The following ZSWIM6 variants were observed in gnomAD, a reference collection of about 807,000 sequenced individuals.
The protein encoded by ZSWIM6 is zinc finger SWIM-type containing 6, also known as zinc finger SWIM domain-containing protein 6.
Under a neutral mutation model 113.2 loss-of-function variants are expected in ZSWIM6, and 9 were observed. The ratio of observed to expected loss-of-function variants is 0.08; its 90% CI spans 0.05 to 0.14. ZSWIM6 has a LOEUF of 0.14. Ranked by LOEUF, ZSWIM6 falls within the 10% of genes least tolerant of loss-of-function variation. The probability of loss-of-function intolerance (pLI) is 1.00; values close to 1 mark genes in which losing one functional copy is unlikely to be tolerated. For synonymous variants in ZSWIM6, 611 were observed against 606.5 expected, an observed-to-expected ratio of 1.01 and a Z score of -0.11; for missense variants, 1,162 against 1,552.2, an observed-to-expected ratio of 0.75 and a Z score of 4.22.
chr5:61,383,543 T>G (rs970105595), intron 1 of ZSWIM6, among the ~76,000 whole-genome samples: 26 of 146,596 alleles, frequency 1.8e-4, no homozygotes, highest in African/African-American at 6.5e-4. Flanking sequence ...GAACTTTCTC[T>G]TTTTTTTTTT....
At chr5:61,340,189 A>G (rs1579939745) in intron 1 of ZSWIM6, among the ~76,000 whole-genome samples, 1 of 152,226 alleles carries the variant, frequency 6.6e-6, no homozygotes, top group East Asian at 1.9e-4. Context: ...CTTCAGAGAC[A>G]ATACGGTGCA....
At chr5:61,454,567 GTT>G (rs35249460) in intron 1 of ZSWIM6, among the ~76,000 whole-genome samples, 28 of 128,210 alleles carry the variant, frequency 2.2e-4, no homozygotes, top group South Asian at 1.3e-3. Context: ...CTATCCCTAA[GTT>G]TTTTTTTTTT....
In ZSWIM6 at chr5:61,543,442, G is replaced by A; in HGVS notation, c.2786-13G>A. Reference sequence around the variant, plus strand: ...TCCTCGTCAGTAATAGAGCCTGTTTGTGTTCCTTGCAGGGGTTTATGCCCT... The same window carrying A: ...TCCTCGTCAGTAATAGAGCCTGTTTATGTTCCTTGCAGGGGTTTATGCCCT... On this transcript the variant is annotated splice_polypyrimidine_tract_variant and intron_variant, in intron 13 of 13. Transcript: ENST00000252744. This position sits in a 1 kb window ranked among gnomAD's most constrained non-coding sequence, Gnocchi z 4.3. 6.5e-7 allele frequency: 1 copy of A among 1,542,424 alleles called. No homozygotes were observed. Among genetic ancestry groups the A allele is most frequent in the Non-Finnish European group, 8.8e-7 (1 of 1,141,816 alleles).
chr5:61,410,311 T>G, intron 1 of ZSWIM6, among the ~76,000 whole-genome samples: 1 of 145,608 alleles, frequency 6.9e-6, no homozygotes, highest in East Asian at 2.0e-4. Flanking sequence ...TGTATTTCCT[T>G]TTTTTTTTTT....
chr5:61,439,037 A>G (rs893371116), intron 1 of ZSWIM6, among the ~76,000 whole-genome samples: 2 of 152,232 alleles, frequency 1.3e-5, no homozygotes, highest in African/African-American at 4.8e-5. Context: ...GAGCTCAGGA[A>G]TATCTTGCAC....
chr5:61,544,100 C>T lies in ZSWIM6; in HGVS notation c.3431C>T (p.Ala1144Val). ...GCCCCCTTGAGGCAACTCTTGGATG[C>T]CACGATCGGGGCCTACATCAACACA... ...DKAPLRQLLD[A>V]TIGAYINTTH... The change falls in exon 14 of 14, where the codon GCC becomes GTC. Residue 1144 changes from alanine (A) to valine (V), a missense_variant. By Grantham distance (64) the Ala-to-Val change is moderately conservative. Around this residue, in one of 4 missense-constraint regions of ZSWIM6, gnomAD observed 113 missense variants for 213.8 expected, o/e 0.53. Transcript: ENST00000252744. 1 of 1,551,886 alleles carries T rather than the reference C, an allele frequency of 6.4e-7. No individual in the cohort carries two copies. Among genetic ancestry groups the T allele is most frequent in the Non-Finnish European group, 8.7e-7 (1 of 1,147,018 alleles).
intron 1 of ZSWIM6, among the ~76,000 whole-genome samples, chr5:61,397,947 A>G (rs1002471902): frequency 2.0e-4 from 30 of 152,222 alleles, no homozygotes; most frequent in Admixed American, 2.0e-4. Flanking sequence ...CAAAAGGAAT[A>G]TCATTTTCAT....
At chr5:61,416,850 A>C (rs1000485259) in intron 1 of ZSWIM6, among the ~76,000 whole-genome samples, 4 of 152,258 alleles carry the variant, frequency 2.6e-5, no homozygotes, top group African/African-American at 9.6e-5. Context: ...AAAATAGTGC[A>C]TAAGGCCGGG....
chr5:61,454,300 G>T (rs2112160885), intron 1 of ZSWIM6, among the ~76,000 whole-genome samples: 1 of 148,290 alleles, frequency 6.7e-6, no homozygotes, highest in African/African-American at 2.5e-5. Flanking sequence ...CTCTTGCCTA[G>T]GCTGGAATTC....
chr5:61,385,805 A>G (rs1745581569), intron 1 of ZSWIM6, among the ~76,000 whole-genome samples: 1 of 152,172 alleles, frequency 6.6e-6, no homozygotes, highest in South Asian at 2.1e-4. Context: ...CATAGTGATG[A>G]TGTCCACTGG....
intron 1 of ZSWIM6, chr5:61,347,489 C>A: frequency 6.3e-6 from 1 of 159,134 alleles, no homozygotes; most frequent in South Asian, 1.8e-4. Flanking sequence ...TGAAGCAAGT[C>A]ACCATTGTTG....
chr5:61,364,101 G>A (rs545664841), intron 1 of ZSWIM6, among the ~76,000 whole-genome samples: 22 of 150,248 alleles, frequency 1.5e-4, no homozygotes, highest in Middle Eastern at 6.9e-3. Context: ...TTGAAATGCA[G>A]TGGCATGATC....
At chr5:61,508,812 G>T (rs1288912698) in intron 4 of ZSWIM6, among the ~76,000 whole-genome samples, 1 of 152,074 alleles carries the variant, frequency 6.6e-6, no homozygotes, top group East Asian at 1.9e-4. Context: ...TAAGAAGTCT[G>T]GCTATCCTGA....
intron 1 of ZSWIM6, among the ~76,000 whole-genome samples, chr5:61,417,370 G>A (rs1259955152): frequency 6.6e-6 from 1 of 152,168 alleles, no homozygotes; most frequent in African/African-American, 2.4e-5. Context: ...AATTATTCAA[G>A]TTCAGTTTCA....
chr5:61,405,540 TTTAAAAA>T (rs201565518), intron 1 of ZSWIM6, among the ~76,000 whole-genome samples: 2,369 of 152,304 alleles, frequency 0.016, 46 homozygotes, highest in South Asian at 0.045. Context: ...GAGCTGAGCC[TTTAAAAA>T]TAAGAGAAGA....
intron 1 of ZSWIM6, among the ~76,000 whole-genome samples, chr5:61,343,070 A>G (rs1167616106): frequency 6.6e-6 from 1 of 152,230 alleles, no homozygotes; most frequent in East Asian, 1.9e-4. Context: ...TGAGAAATTA[A>G]ATATCTCATT....
chr5:61,364,828 C>T (rs1228800309), intron 1 of ZSWIM6, among the ~76,000 whole-genome samples: 1 of 152,182 alleles, frequency 6.6e-6, no homozygotes, highest in Non-Finnish European at 1.5e-5. Flanking sequence ...AATCGTCCCT[C>T]AGAGGTTCTA....
rs1747586660 is a variant in ZSWIM6 at position 61,472,162 on chromosome 5, T to C, written c.677-519T>C. 6.6e-6 allele frequency among the ~76,000 whole-genome samples: 1 copy of C among 152,174 alleles called. No individual in the cohort carries two copies. Among genetic ancestry groups the C allele is most frequent in the Admixed American group, 6.5e-5 (1 of 15,282 alleles). ...TAAAAATTTATCTGATCAAAGTTTGTGGAAGGGACTCCCTTAGAGTTGCAG... is the reference window on the plus strand; with the variant it reads ...TAAAAATTTATCTGATCAAAGTTTGCGGAAGGGACTCCCTTAGAGTTGCAG... On this transcript the variant is annotated intron_variant, in intron 1 of 13. Transcript: ENST00000252744. The surrounding 1 kb of genome is among the most constrained non-coding windows in gnomAD (Gnocchi z 4.1).
intron 1 of ZSWIM6, among the ~76,000 whole-genome samples, chr5:61,439,467 A>G (rs932906016): frequency 6.6e-6 from 1 of 152,242 alleles, no homozygotes; most frequent in Non-Finnish European, 1.5e-5. Context: ...ATTGTGAAAT[A>G]TAAAGTACAT....
Sources: gnomAD v4.1 joint callset for allele counts (sites outside exome capture counted in the v4.1 genomes callset) on GRCh38, gnomAD v4.1.1 for gene constraint, gnomAD v4.1.1 regional missense constraint, Gnocchi (gnomAD v3.1) non-coding constraint, MANE v1.5 for transcripts, NCBI Gene and HGNC (gene_info 2026-07-23, HGNC 2026-07-21) for gene names.